Variants in SCARA5 observed in about 807,000 individuals in gnomAD.
SCARA5 encodes the protein scavenger receptor class A, member 5 (putative).
SCARA5 carries 45 observed loss-of-function variants against 46.3 expected under a neutral mutation model. That is an observed-to-expected ratio of 0.97 (90% CI 0.76 to 1.24). The LOEUF is 1.24. Ranked by LOEUF, SCARA5 falls within the 50% of genes most tolerant of loss-of-function variation. The probability of loss-of-function intolerance (pLI) is 0.00; values close to 1 mark genes in which losing one functional copy is unlikely to be tolerated. For synonymous variants in SCARA5, 333 were observed against 306.5 expected, an observed-to-expected ratio of 1.09 and a Z score of -0.90; for missense variants, 680 against 689.0, an observed-to-expected ratio of 0.99 and a Z score of 0.15.
intron 3 of SCARA5, among the ~76,000 whole-genome samples, chr8:27,944,812 G>A (rs1808007170): frequency 1.3e-5 from 2 of 152,110 alleles, no homozygotes; most frequent in African/African-American, 4.8e-5. Context: ...AGAGGTTGCA[G>A]TGAGCCGAGA....
In SCARA5 at chr8:27,971,270, C is replaced by T. The variant is rs544082597; in HGVS notation, c.113-4728G>A. ...AGCAAAGTGCTCCCTGCACAGGTGG[C>T]GATGCACTCGGTGCCAGAGGTAGTC... On this transcript the variant is annotated intron_variant, in intron 2 of 8. Coordinates refer to ENST00000354914, the MANE Select transcript of SCARA5 (RefSeq NM_173833.6). Among the ~76,000 whole-genome samples the T allele has an allele frequency of 7.9e-5, 12 of 152,342 alleles. No individual in the cohort carries two copies. In the South Asian group the frequency reaches 1.5e-3, roughly 18 times the overall value.
intron 7 of SCARA5, among the ~76,000 whole-genome samples, chr8:27,886,605 C>T (rs774312461): frequency 1.3e-5 from 2 of 152,192 alleles, no homozygotes; most frequent in Non-Finnish European, 2.9e-5. Context: ...TTTCCCAGAG[C>T]TGAGCAATGA....
intron 3 of SCARA5, among the ~76,000 whole-genome samples, chr8:27,923,530 T>A (rs1354309998): frequency 6.6e-6 from 1 of 152,174 alleles, no homozygotes; most frequent in East Asian, 1.9e-4. Flanking sequence ...CTCTGCATCT[T>A]CTACTTCTTT....
chr8:27,939,253 T>C (rs1313022850), intron 3 of SCARA5, among the ~76,000 whole-genome samples: 1 of 152,214 alleles, frequency 6.6e-6, no homozygotes, highest in African/African-American at 2.4e-5. Context: ...CCCTTCTCCC[T>C]GCTCATGAAT....
In SCARA5 at chr8:27,969,544, G is replaced by GTGAA. The variant is rs57469221; in HGVS notation, c.113-3006_113-3003dup. On this transcript the variant is annotated intron_variant, in intron 2 of 8. Coordinates refer to ENST00000354914, the MANE Select transcript of SCARA5 (RefSeq NM_173833.6). ...CGGAGCACGGGGGATTTTCAGGGAA[G>GTGAA]TGAAACTCTTCTGTATGATACTGTA... 8.1e-4 allele frequency among the ~76,000 whole-genome samples: 123 copies of GTGAA among 152,304 alleles called. 1 individual carries two copies. The highest frequency in any genetic ancestry group is 2.9e-3 in the African/African-American group (120 of 41,556).
intron 7 of SCARA5, among the ~76,000 whole-genome samples, chr8:27,892,433 CT>C (rs1806999056): frequency 1.3e-5 from 2 of 152,146 alleles, no homozygotes; most frequent in Admixed American, 6.6e-5. Context: ...AACTGATCAG[CT>C]ACTTGCCTCT....
At chr8:27,880,390 A>AG (rs937320044) in intron 7 of SCARA5, among the ~76,000 whole-genome samples, 3 of 100,506 alleles carry the variant, frequency 3.0e-5, no homozygotes, top group Non-Finnish European at 6.3e-5. Flanking sequence ...GCTTCTGTAC[A>AG]GGAAAAAAAA....
At chr8:27,901,218 T>C (rs540871527) in intron 7 of SCARA5, among the ~76,000 whole-genome samples, 2 of 152,304 alleles carry the variant, frequency 1.3e-5, no homozygotes, top group African/African-American at 4.8e-5. Context: ...GTGTCGGTCA[T>C]GTTTTCTCAC....
intron 2 of SCARA5, among the ~76,000 whole-genome samples, chr8:27,968,999 C>T (rs1808409608): frequency 6.6e-6 from 1 of 152,108 alleles, no homozygotes; most frequent in African/African-American, 2.4e-5. Flanking sequence ...GTGCATTAAA[C>T]CAAGTATATT....
At chr8:27,923,605 C>T (rs186843544) in intron 3 of SCARA5, among the ~76,000 whole-genome samples, 3 of 152,202 alleles carry the variant, frequency 2.0e-5, no homozygotes, top group Admixed American at 2.0e-4. Context: ...GAGTCTCACT[C>T]TGTTGCTGTC....
chr8:27,977,918 A>G (rs1193508826), intron 2 of SCARA5, among the ~76,000 whole-genome samples: 1 of 152,098 alleles, frequency 6.6e-6, no homozygotes, highest in Non-Finnish European at 1.5e-5. Flanking sequence ...ATACATAAAT[A>G]CCTCAACAAA....
intron 3 of SCARA5, among the ~76,000 whole-genome samples, chr8:27,939,752 T>C (rs2129866921): frequency 6.6e-6 from 1 of 152,300 alleles, no homozygotes; most frequent in East Asian, 1.9e-4. Context: ...CTGCATGTAT[T>C]ATGTTTCATG....
At chr8:27,886,972 A>G (rs910247746) in intron 7 of SCARA5, among the ~76,000 whole-genome samples, 2 of 152,090 alleles carry the variant, frequency 1.3e-5, no homozygotes, top group African/African-American at 4.8e-5. Context: ...GGGCTACTGG[A>G]GTCAGGGAGA....
chr8:27,884,114 G>A (rs1362095890), intron 7 of SCARA5, among the ~76,000 whole-genome samples: 2 of 152,164 alleles, frequency 1.3e-5, no homozygotes, highest in Non-Finnish European at 2.9e-5. Context: ...CCCCAGGAAT[G>A]ATGCTAAAGA....
intron 2 of SCARA5, among the ~76,000 whole-genome samples, chr8:27,972,316 C>A (rs2129952777): frequency 2.0e-5 from 3 of 146,764 alleles, no homozygotes; most frequent in Middle Eastern, 6.9e-3. Context: ...GACTCTGTCT[C>A]AAAAAAACAA....
intron 7 of SCARA5, among the ~76,000 whole-genome samples, chr8:27,901,736 C>T (rs1226465209): frequency 1.3e-5 from 2 of 152,174 alleles, no homozygotes; most frequent in Non-Finnish European, 2.9e-5. Context: ...AACTATTCCC[C>T]TCCAGCCCCA....
chr8:27,910,962 A>G (rs1274341103), intron 4 of SCARA5, among the ~76,000 whole-genome samples: 1 of 152,206 alleles, frequency 6.6e-6, no homozygotes, highest in Non-Finnish European at 1.5e-5. Flanking sequence ...CGAGTGAGTG[A>G]GGCAGCTGTT....
chr8:27,904,172 C>T (rs923862257), intron 7 of SCARA5, among the ~76,000 whole-genome samples: 6 of 152,218 alleles, frequency 3.9e-5, no homozygotes, highest in Non-Finnish European at 7.3e-5. Context: ...TCTCCAGCGT[C>T]ACTCCTCCAT....
At chr8:27,973,371 G>A (rs1248906592) in intron 2 of SCARA5, among the ~76,000 whole-genome samples, 1 of 152,130 alleles carries the variant, frequency 6.6e-6, no homozygotes, top group Non-Finnish European at 1.5e-5. Flanking sequence ...CAGCTACTCA[G>A]GAGGCTGAGG....
Sources: allele counts gnomAD v4.1 joint callset (sites outside exome capture counted in the v4.1 genomes callset), GRCh38; gene constraint gnomAD v4.1.1; transcripts MANE v1.5; gene names NCBI Gene and HGNC (gene_info 2026-07-23, HGNC 2026-07-21).